Variants in NPAS3 observed in about 807,000 individuals in gnomAD.
NPAS3 encodes neuronal PAS domain protein 3.
In NPAS3, 14 loss-of-function variants were observed where a neutral mutation model predicts 73.1. That is an observed-to-expected ratio of 0.19 (90% CI 0.13 to 0.30). NPAS3 has a LOEUF of 0.30. NPAS3 is among the 10% of genes least tolerant of loss of function. The pLI, the probability that NPAS3 is intolerant of heterozygous loss-of-function variation, is 1.00. For synonymous variants in NPAS3, 620 were observed against 541.5 expected (o/e 1.14, Z -2.01); for missense variants, 1,096 against 1,250.0 (o/e 0.88, Z 1.86).
chr14:33,482,844 TTTTCTC>T (rs1433652994), intron 4 of NPAS3, among the ~76,000 whole-genome samples: 2 of 152,196 alleles, frequency 1.3e-5, no homozygotes, highest in African/African-American at 2.4e-5. Context: ...TCTCTTCACT[TTTTCTC>T]TTTCTTTCTC....
At chr14:33,396,797 A>G (rs188619257) in intron 4 of NPAS3, among the ~76,000 whole-genome samples, 1 of 151,724 alleles carries the variant, frequency 6.6e-6, no homozygotes, top group African/African-American at 2.4e-5. Flanking sequence ...TTATGTGAAT[A>G]TATAAGTGAA....
At chr14:32,952,498 CCTTG>C (rs1167940337) in intron 1 of NPAS3, among the ~76,000 whole-genome samples, 1 of 151,858 alleles carries the variant, frequency 6.6e-6, no homozygotes, top group Non-Finnish European at 1.5e-5. Flanking sequence ...TTTAGTGTGC[CCTTG>C]CTTGTCTCCC....
At chr14:33,421,691 T>C (rs1383588813) in intron 4 of NPAS3, among the ~76,000 whole-genome samples, 1 of 151,980 alleles carries the variant, frequency 6.6e-6, no homozygotes, top group Non-Finnish European at 1.5e-5. Flanking sequence ...GGTGATCTGC[T>C]AGATACTTTA....
At chr14:33,140,304 T>C (rs562405497) in intron 2 of NPAS3, among the ~76,000 whole-genome samples, 1 of 152,250 alleles carries the variant, frequency 6.6e-6, no homozygotes, top group South Asian at 2.1e-4. Flanking sequence ...ATTGCACTCT[T>C]GTTGACAGAA....
At chr14:33,527,499 T>A (rs1245784858) in intron 4 of NPAS3, among the ~76,000 whole-genome samples, 1 of 152,160 alleles carries the variant, frequency 6.6e-6, no homozygotes, top group Non-Finnish European at 1.5e-5. Flanking sequence ...ATGACTTCCT[T>A]TGGAGAAAGT....
intron 3 of NPAS3, among the ~76,000 whole-genome samples, chr14:33,232,321 T>C (rs959915548): frequency 5.9e-5 from 9 of 152,198 alleles, no homozygotes; most frequent in Admixed American, 2.0e-4. Context: ...CTTGTTTCCT[T>C]TGTTTAACAA....
chr14:33,750,336 C>G (rs2061929044), intron 7 of NPAS3, among the ~76,000 whole-genome samples: 1 of 151,694 alleles, frequency 6.6e-6, no homozygotes, highest in African/African-American at 2.4e-5. Flanking sequence ...GATATTTCAG[C>G]AGTATTATTT....
At chr14:33,561,154 A>G (rs1406950459) in intron 5 of NPAS3, among the ~76,000 whole-genome samples, 1 of 152,202 alleles carries the variant, frequency 6.6e-6, no homozygotes, top group East Asian at 1.9e-4. Flanking sequence ...GAAGCTAGAG[A>G]TAGAGATAAG....
intron 4 of NPAS3, among the ~76,000 whole-genome samples, chr14:33,393,653 T>C (rs2047100987): frequency 6.6e-6 from 1 of 152,164 alleles, no homozygotes; most frequent in South Asian, 2.1e-4. Context: ...GATTACTGTG[T>C]TATAAATGGC....
At chr14:33,250,949 T>C (rs1402429405) in intron 3 of NPAS3, among the ~76,000 whole-genome samples, 1 of 152,152 alleles carries the variant, frequency 6.6e-6, no homozygotes, top group Non-Finnish European at 1.5e-5. Flanking sequence ...CAAATAGATG[T>C]ATTTATACTT....
chr14:33,030,368 AC>A (rs2039947479), intron 1 of NPAS3, among the ~76,000 whole-genome samples: 1 of 152,146 alleles, frequency 6.6e-6, no homozygotes, highest in South Asian at 2.1e-4. Flanking sequence ...TATTATTTCC[AC>A]CTTCCTATTT....
chr14:33,573,695 T>G (rs1344720299), intron 5 of NPAS3, among the ~76,000 whole-genome samples: 1 of 152,042 alleles, frequency 6.6e-6, no homozygotes, highest in Non-Finnish European at 1.5e-5. Context: ...GCTAAGGAAA[T>G]TGGAATTTTT....
At chr14:33,154,480 A>T (rs537034081) in intron 2 of NPAS3, among the ~76,000 whole-genome samples, 3 of 152,332 alleles carry the variant, frequency 2.0e-5, no homozygotes, top group East Asian at 3.9e-4. Flanking sequence ...TTTATAGGTC[A>T]CCTTTGCACA....
At chr14:33,449,727 G>C (rs560571627) in intron 4 of NPAS3, among the ~76,000 whole-genome samples, 7 of 152,136 alleles carry the variant, frequency 4.6e-5, no homozygotes, top group South Asian at 4.2e-4. Flanking sequence ...TTTAAATGTT[G>C]CATAGACTTT....
intron 3 of NPAS3, among the ~76,000 whole-genome samples, chr14:33,322,856 A>G (rs1206692924): frequency 1.3e-5 from 2 of 152,172 alleles, no homozygotes; most frequent in Non-Finnish European, 2.9e-5. Context: ...TACTCTGACC[A>G]TGGAGATATA....
At chr14:32,975,430 C>T (rs2037625442) in intron 1 of NPAS3, among the ~76,000 whole-genome samples, 1 of 146,860 alleles carries the variant, frequency 6.8e-6, no homozygotes, top group South Asian at 2.2e-4. Context: ...AAGCAGTCCT[C>T]CTGCCTCAGC....
intron 4 of NPAS3, among the ~76,000 whole-genome samples, chr14:33,492,067 C>G (rs1003104318): frequency 6.6e-6 from 1 of 152,164 alleles, no homozygotes; most frequent in Non-Finnish European, 1.5e-5. Flanking sequence ...GTCCTATAAT[C>G]AAAGTGCTAT....
At chr14:33,682,470 A>G (rs889533180) in intron 6 of NPAS3, among the ~76,000 whole-genome samples, 14 of 152,218 alleles carry the variant, frequency 9.2e-5, no homozygotes, top group South Asian at 2.1e-4. Flanking sequence ...CCTTCTTGCC[A>G]ATCCTGAAAT....
At chr14:33,276,203 A>G (rs942768040) in intron 3 of NPAS3, among the ~76,000 whole-genome samples, 8 of 152,282 alleles carry the variant, frequency 5.3e-5, no homozygotes, top group East Asian at 1.9e-4. Flanking sequence ...AGAGCTATGG[A>G]TATACTATTT....
Sources: gnomAD v4.1 joint callset for allele counts (sites outside exome capture counted in the v4.1 genomes callset) on GRCh38, gnomAD v4.1.1 for gene constraint, MANE v1.5 for transcripts, NCBI Gene and HGNC (gene_info 2026-07-23, HGNC 2026-07-21) for gene names.